The following CDK13 variants were observed in gnomAD, a reference collection of about 807,000 sequenced individuals.
CDK13 encodes cyclin-dependent kinase 13.
A neutral mutation model predicts 137.6 loss-of-function variants in CDK13; 40 were observed. The ratio of observed to expected loss-of-function variants is 0.29; its 90% CI spans 0.23 to 0.38. The LOEUF (loss-of-function observed/expected upper bound fraction) is 0.38. Among genes scored for constraint, CDK13 ranks in the 10% least tolerant of loss-of-function variants. The pLI, the probability that CDK13 is intolerant of heterozygous loss-of-function variation, is 1.00. For missense variants in CDK13, 1,704 were observed against 1,951.8 expected, an observed-to-expected ratio of 0.87 and a Z score of 2.39; for synonymous variants, 869 against 760.1, an observed-to-expected ratio of 1.14 and a Z score of -2.36.
intron 9 of CDK13, among the ~76,000 whole-genome samples, chr7:40,066,317 C>G (rs1271640254): frequency 6.6e-6 from 1 of 152,178 alleles, no homozygotes; most frequent in Admixed American, 6.5e-5. Flanking sequence ...TAATTCAGTA[C>G]AAGCTTTCTT....
chr7:40,008,331 TG>T (rs1784833864), intron 5 of CDK13, among the ~76,000 whole-genome samples: 1 of 152,192 alleles, frequency 6.6e-6, no homozygotes, highest in South Asian at 2.1e-4. Flanking sequence ...TTTTGGACAA[TG>T]AAGTTACAGA....
intron 5 of CDK13, among the ~76,000 whole-genome samples, chr7:40,033,892 T>C (rs535476174): frequency 1.5e-4 from 23 of 152,264 alleles, no homozygotes; most frequent in Admixed American, 7.2e-4. Flanking sequence ...TGGTATTGGG[T>C]ATTTCATTAC....
chr7:40,029,113 T>C (rs1473308407), intron 5 of CDK13, among the ~76,000 whole-genome samples: 1 of 151,854 alleles, frequency 6.6e-6, no homozygotes, highest in Admixed American at 6.6e-5. Context: ...AGATGAACCA[T>C]GTAGCCTAGA....
At chr7:40,054,971 A>G (rs1374565432) in intron 7 of CDK13, among the ~76,000 whole-genome samples, 1 of 152,168 alleles carries the variant, frequency 6.6e-6, no homozygotes, top group Non-Finnish European at 1.5e-5. Context: ...ACTTGAGCCT[A>G]GAAGTTCGAG....
At chr7:39,988,361 GAA>G (rs1784386679) in intron 2 of CDK13, 103 bp downstream of exon 2, 5 of 763,342 alleles carry the variant, frequency 6.6e-6, no homozygotes, top group Non-Finnish European at 1.0e-5. Flanking sequence ...CAACTTTAGT[GAA>G]AAAGACTACA....
chr7:40,068,466 C>T (rs1000039978), intron 9 of CDK13, among the ~76,000 whole-genome samples: 1 of 151,726 alleles, frequency 6.6e-6, no homozygotes, highest in African/African-American at 2.4e-5. Flanking sequence ...GAGGCCAAGG[C>T]GGGCGGATCA....
At chr7:40,074,063 A>C (rs1235817350) in intron 9 of CDK13, among the ~76,000 whole-genome samples, 1 of 151,914 alleles carries the variant, frequency 6.6e-6, no homozygotes, top group African/African-American at 2.4e-5. Context: ...CACCATGCCC[A>C]GCTAATTTTT....
intron 2 of CDK13, among the ~76,000 whole-genome samples, chr7:39,992,076 C>T (rs1256287978): frequency 2.1e-3 from 13 of 6,296 alleles, no homozygotes; most frequent in Admixed American, 0.014. Context: ...ATTATACACA[C>T]ACACACACAC....
At position 39,951,561 on chromosome 7, in the gene CDK13, C is replaced by G. The variant is rs1383490453; in HGVS notation, c.920C>G (p.Pro307Arg). The G allele has an allele frequency of 2.0e-6, 3 of 1,532,350 alleles. No homozygotes were observed. Among genetic ancestry groups the G allele is most frequent in the East Asian group, 2.5e-5 (1 of 39,222 alleles). 94.9% of individuals were successfully genotyped at this position (1,532,350 alleles called of 1,614,324 possible). A position where few individuals can be genotyped will look rare whatever the true frequency, so the allele number is the denominator to read the frequency against. Reference sequence around the variant, plus strand: ...GCCTACCGGGAGGACAAGACCGAGCCTAAGGCCTACAGGCGGCGGCGGTCC... The same window carrying G: ...GCCTACCGGGAGGACAAGACCGAGCGTAAGGCCTACAGGCGGCGGCGGTCC... Reference protein sequence around the residue: ...PKAYREDKTEPKAYRRRRSLS... With the variant: ...PKAYREDKTERKAYRRRRSLS... Residue 307 changes from proline (P) to arginine (R), a missense_variant, in exon 1 of 14, where the codon CCT becomes CGT. Pro to Arg is a moderately radical substitution (Grantham distance 103). Around this residue, in one of 5 missense-constraint regions of CDK13, gnomAD observed 1,051 missense variants for 931.0 expected, o/e 1.13. Coordinates refer to ENST00000181839, the MANE Select transcript of CDK13 (RefSeq NM_003718.5).
At chr7:40,039,041 G>T (rs1397624931) in intron 5 of CDK13, among the ~76,000 whole-genome samples, 1 of 152,128 alleles carries the variant, frequency 6.6e-6, no homozygotes, top group Non-Finnish European at 1.5e-5. Flanking sequence ...CATTCACTTA[G>T]GGGCGCTTCG....
At chr7:40,028,557 T>C (rs1785296220) in intron 5 of CDK13, among the ~76,000 whole-genome samples, 1 of 152,056 alleles carries the variant, frequency 6.6e-6, no homozygotes, top group South Asian at 2.1e-4. Flanking sequence ...GACCTGTTGG[T>C]GGGCAGATAC....
intron 5 of CDK13, among the ~76,000 whole-genome samples, chr7:40,032,018 C>T (rs545060420): frequency 2.8e-4 from 42 of 151,966 alleles, no homozygotes; most frequent in African/African-American, 9.2e-4. Context: ...CTTGTCTTTT[C>T]GTTTTCTTAG....
chr7:40,055,810 G>A (rs1433535750), intron 7 of CDK13, among the ~76,000 whole-genome samples: 3 of 152,036 alleles, frequency 2.0e-5, no homozygotes, highest in Non-Finnish European at 4.4e-5. Flanking sequence ...CCGAACTCCT[G>A]GGCTCAAGCA....
intron 9 of CDK13, among the ~76,000 whole-genome samples, chr7:40,068,707 GAAAAA>G (rs1158145409): frequency 0.016 from 769 of 47,114 alleles, 14 homozygotes; most frequent in African/African-American, 0.055. Flanking sequence ...CTATGTCTCA[GAAAAA>G]AAAAAAAAAA....
intron 13 of CDK13, among the ~76,000 whole-genome samples, chr7:40,093,863 T>A (rs1484584603): frequency 2.1e-5 from 3 of 144,750 alleles, no homozygotes; most frequent in Non-Finnish European, 4.5e-5. Flanking sequence ...CTGTGATCAC[T>A]CCACTGCACT....
intron 9 of CDK13, among the ~76,000 whole-genome samples, chr7:40,063,342 C>T (rs1245566119): frequency 2.6e-5 from 4 of 151,922 alleles, no homozygotes; most frequent in Admixed American, 2.6e-4. Flanking sequence ...TGCATGTGTG[C>T]GTTTTTTTAA....
intron 9 of CDK13, 48 bp downstream of exon 9, chr7:40,063,148 T>G (rs776469908): frequency 8.7e-6 from 12 of 1,383,538 alleles, no homozygotes; most frequent in Middle Eastern, 3.9e-4. Flanking sequence ...AGTGTCATAC[T>G]CCACAGGAAA....
chr7:40,036,891 G>C (rs778255876), intron 5 of CDK13, among the ~76,000 whole-genome samples: 1 of 152,008 alleles, frequency 6.6e-6, no homozygotes, highest in African/African-American at 2.4e-5. Flanking sequence ...ATACATTCAC[G>C]TTTACCCAGT....
intron 11 of CDK13, among the ~76,000 whole-genome samples, chr7:40,080,066 C>T (rs1187319775): frequency 3.9e-5 from 6 of 152,262 alleles, no homozygotes; most frequent in African/African-American, 1.4e-4. Context: ...CAGCTCACTA[C>T]AACCTCTGCG....
Sources: gnomAD v4.1 joint callset for allele counts (sites outside exome capture counted in the v4.1 genomes callset) on GRCh38, gnomAD v4.1.1 for gene constraint, gnomAD v4.1.1 regional missense constraint, MANE v1.5 for transcripts, NCBI Gene and HGNC (gene_info 2026-07-23, HGNC 2026-07-21) for gene names.